The following RTL4 variants were observed in gnomAD, a reference collection of about 807,000 sequenced individuals.
The protein encoded by RTL4 is retrotransposon Gag-like protein 4.
Under a neutral mutation model 5.3 loss-of-function variants are expected in RTL4, and 4 were observed. That is an observed-to-expected ratio of 0.75 (90% confidence interval 0.37 to 1.72). RTL4 has a LOEUF of 1.72. Among genes scored for constraint, RTL4 ranks in the 40% most tolerant of loss-of-function variants. The probability of loss-of-function intolerance (pLI) is 0.04; values close to 1 mark genes in which losing one functional copy is unlikely to be tolerated. For synonymous variants in RTL4, 98 were observed against 87.3 expected (o/e 1.12, Z -0.68); for missense variants, 260 against 227.1 (o/e 1.14, Z -0.93).
At chrX:112,224,627 C>T in the RTL4 span, among the ~76,000 whole-genome samples, 1 of 111,437 alleles carries the variant, frequency 9.0e-6, no homozygotes, top group Non-Finnish European at 1.9e-5. Flanking sequence ...GCGTGAGGCA[C>T]CAGATCTGGT....
At chrX:112,115,805 G>C in the RTL4 span, among the ~76,000 whole-genome samples, 1 of 112,246 alleles carries the variant, frequency 8.9e-6, no homozygotes, top group African/African-American at 3.2e-5. Context: ...AGCGGGACTA[G>C]CCTCGGAGAA....
the RTL4 span, among the ~76,000 whole-genome samples, chrX:112,346,881 A>G: frequency 9.0e-6 from 1 of 111,661 alleles, no homozygotes; most frequent in Non-Finnish European, 1.9e-5. Context: ...GTTCTCACCA[A>G]TTTCAATAGA....
chrX:112,442,454 G>C, the RTL4 span, among the ~76,000 whole-genome samples: 2 of 108,099 alleles, frequency 1.9e-5, no homozygotes, highest in African/African-American at 6.8e-5. Context: ...TCACCATGTT[G>C]GCCAGGCTGG....
At chrX:112,381,631 C>T in the RTL4 span, 4 of 1,203,465 alleles carry the variant, frequency 3.3e-6, no homozygotes, top group Admixed American at 2.2e-5. Context: ...TCAGGTGTGC[C>T]GAACAAATTT....
chrX:112,417,656 C>T, the RTL4 span, among the ~76,000 whole-genome samples: 252 of 110,734 alleles, frequency 2.3e-3, no homozygotes, highest in African/African-American at 7.9e-3. Flanking sequence ...CCTGATTTGC[C>T]ATGGTCTACT....
chrX:112,359,312 T>C, the RTL4 span, among the ~76,000 whole-genome samples: 1 of 111,728 alleles, frequency 9.0e-6, no homozygotes. Flanking sequence ...TGTACTCTTT[T>C]AGTTATTTTA....
the RTL4 span, among the ~76,000 whole-genome samples, chrX:112,299,427 G>A: frequency 8.9e-6 from 1 of 112,410 alleles, no homozygotes; most frequent in African/African-American, 3.2e-5. Flanking sequence ...TAATACCACT[G>A]AACTGAGCAC....
At chrX:112,318,051 G>T in the RTL4 span, among the ~76,000 whole-genome samples, 1 of 111,844 alleles carries the variant, frequency 8.9e-6, no homozygotes, top group Non-Finnish European at 1.9e-5. Context: ...ATTGATCATC[G>T]TGTGTGTGTC....
chrX:112,454,925 G>C, exon 1 of RTL4: 1 of 1,210,300 alleles, frequency 8.3e-7, no homozygotes, highest in Non-Finnish European at 1.1e-6. Flanking sequence ...CAGTTTCATG[G>C]TGACCCTGCC....
chrX:112,197,857 A>G, the RTL4 span, among the ~76,000 whole-genome samples: 1 of 112,053 alleles, frequency 8.9e-6, no homozygotes, highest in Non-Finnish European at 1.9e-5. Context: ...AGTGGGGGAA[A>G]TAAAGAAAAT....
the RTL4 span, among the ~76,000 whole-genome samples, chrX:112,300,393 T>C: frequency 8.9e-6 from 1 of 112,579 alleles, no homozygotes; most frequent in Non-Finnish European, 1.9e-5. Flanking sequence ...TTAAATCAAC[T>C]GTATTATAAT....
At chrX:112,360,355 G>A in the RTL4 span, among the ~76,000 whole-genome samples, 1 of 110,940 alleles carries the variant, frequency 9.0e-6, no homozygotes, top group Non-Finnish European at 1.9e-5. Flanking sequence ...CAAATTCATA[G>A]TATAAGGATT....
chrX:112,305,243 C>T, the RTL4 span, among the ~76,000 whole-genome samples: 6 of 108,614 alleles, frequency 5.5e-5, no homozygotes, highest in Middle Eastern at 4.7e-3. Context: ...CTGCAACCTT[C>T]GCTTCCGGGT....
chrX:112,247,689 C>T, the RTL4 span, among the ~76,000 whole-genome samples: 1 of 112,275 alleles, frequency 8.9e-6, no homozygotes, highest in African/African-American at 3.2e-5. Context: ...AATTAAATCC[C>T]GGTTTGATGC....
At chrX:112,122,197 A>G in the RTL4 span, among the ~76,000 whole-genome samples, 2 of 111,725 alleles carry the variant, frequency 1.8e-5, no homozygotes, top group African/African-American at 6.5e-5. Context: ...CCATCAACAG[A>G]TGAATGGATA....
the RTL4 span, among the ~76,000 whole-genome samples, chrX:112,166,286 C>A: frequency 9.0e-6 from 1 of 111,611 alleles, no homozygotes; most frequent in Admixed American, 9.5e-5. Flanking sequence ...CCTAGAAATA[C>A]CATGCTTTTA....
chrX:112,345,869 A>C, the RTL4 span, among the ~76,000 whole-genome samples: 1 of 111,739 alleles, frequency 8.9e-6, no homozygotes, highest in Non-Finnish European at 1.9e-5. Flanking sequence ...TGAACCAGGC[A>C]TGATAGTCAT....
the RTL4 span, among the ~76,000 whole-genome samples, chrX:112,284,319 A>T: frequency 1.8e-5 from 2 of 110,717 alleles, no homozygotes; most frequent in African/African-American, 6.5e-5. Flanking sequence ...TTTGGATTGA[A>T]ATCCCAGTTT....
chrX:112,134,818 T>C, the RTL4 span, among the ~76,000 whole-genome samples: 982 of 111,925 alleles, frequency 8.8e-3, 21 homozygotes, highest in African/African-American at 0.03. Flanking sequence ...ATGTACTTTT[T>C]TTTGGTCTGG....
Sources: gnomAD v4.1 joint callset for allele counts (sites outside exome capture counted in the v4.1 genomes callset) on GRCh38, gnomAD v4.1.1 for gene constraint, MANE v1.5 for transcripts, NCBI Gene and HGNC (gene_info 2026-07-23, HGNC 2026-07-21) for gene names.